Variants in AGBL3 observed in about 807,000 individuals in gnomAD.
AGBL3 encodes the protein AGBL carboxypeptidase 3.
A neutral mutation model predicts 94.5 loss-of-function variants in AGBL3; 68 were observed. The ratio of observed to expected loss-of-function variants is 0.72; its 90% CI spans 0.59 to 0.88. The LOEUF is 0.88. Ranked by LOEUF, AGBL3 falls within the 40% of genes least tolerant of loss-of-function variation. The pLI, the probability that AGBL3 is intolerant of heterozygous loss-of-function variation, is 0.00. For synonymous variants in AGBL3, 354 were observed against 370.7 expected, an observed-to-expected ratio of 0.95 and a Z score of 0.52; for missense variants, 934 against 1,103.8, an observed-to-expected ratio of 0.85 and a Z score of 2.18.
intron 4 of AGBL3, among the ~76,000 whole-genome samples, chr7:134,999,157 A>G (rs1811389482): frequency 6.6e-6 from 1 of 152,256 alleles, no homozygotes; most frequent in African/African-American, 2.4e-5. Flanking sequence ...CTGAAGAAAT[A>G]TAACTTGATG....
intron 4 of AGBL3, among the ~76,000 whole-genome samples, chr7:135,009,680 G>C (rs768459392): frequency 6.6e-6 from 1 of 152,172 alleles, no homozygotes; most frequent in Non-Finnish European, 1.5e-5. Context: ...GATTCTCTTT[G>C]ATCTTCCTTG....
At chr7:135,035,877 T>A (rs1816253921) in intron 7 of AGBL3, among the ~76,000 whole-genome samples, 1 of 152,154 alleles carries the variant, frequency 6.6e-6, no homozygotes, top group East Asian at 1.9e-4. Context: ...TGCCTTATAA[T>A]CTAGTTAGTT....
intron 12 of AGBL3, among the ~76,000 whole-genome samples, chr7:135,061,902 T>C (rs1359319942): frequency 1.3e-5 from 2 of 152,124 alleles, no homozygotes; most frequent in Non-Finnish European, 2.9e-5. Context: ...GAATTTGTTT[T>C]CTATTTCTCT....
In AGBL3 at chr7:135,059,187, T is replaced by C. The variant is rs1212846602; in HGVS notation, c.1860T>C (p.Ser620=). The change falls in exon 12 of 17, where the codon AGT becomes AGC. Residue 620 remains serine (S), a synonymous_variant. Coordinates refer to ENST00000436302, the MANE Select transcript of AGBL3 (RefSeq NM_178563.4). ...DVESSSRGSD[S]SESIDSLTYL... ...TTTGTAGTAGCCGAGGCTCTGACAGTTCAGAATCCATTGACTCTCTGACTT... is the reference window on the plus strand; with the variant it reads ...TTTGTAGTAGCCGAGGCTCTGACAGCTCAGAATCCATTGACTCTCTGACTT... The C allele has an allele frequency of 5.8e-6, 9 of 1,551,232 alleles. No homozygotes were observed. The highest frequency in any genetic ancestry group is 7.0e-6 in the Non-Finnish European group (8 of 1,146,728).
chr7:135,118,207 C>T (rs755088783), intron 16 of AGBL3, among the ~76,000 whole-genome samples: 2 of 152,058 alleles, frequency 1.3e-5, no homozygotes, highest in African/African-American at 2.4e-5. Context: ...TTACTTGTAA[C>T]CAAAGAGGTC....
chr7:135,121,960 A>G (rs1827197414), intron 16 of AGBL3, among the ~76,000 whole-genome samples: 1 of 152,234 alleles, frequency 6.6e-6, no homozygotes, highest in Non-Finnish European at 1.5e-5. Context: ...TCCCAACCCC[A>G]GAGCCGTGAA....
intron 4 of AGBL3, among the ~76,000 whole-genome samples, chr7:135,009,090 T>C (rs1336062089): frequency 6.6e-6 from 1 of 152,186 alleles, no homozygotes; most frequent in African/African-American, 2.4e-5. Flanking sequence ...AGTTAAACAT[T>C]GAGTTACTAT....
chr7:135,029,477 C>G (rs1815495758), intron 5 of AGBL3, among the ~76,000 whole-genome samples: 1 of 152,230 alleles, frequency 6.6e-6, no homozygotes, highest in African/African-American at 2.4e-5. Flanking sequence ...AACTTTTCTT[C>G]TGCAGCTTCC....
intron 16 of AGBL3, among the ~76,000 whole-genome samples, chr7:135,130,853 T>A (rs1562907835): frequency 1.3e-5 from 2 of 152,208 alleles, no homozygotes; most frequent in Non-Finnish European, 1.5e-5. Context: ...ACTGTTCCTT[T>A]TTCTGGGTTT....
At chr7:135,042,392 T>C (rs1816940119) in intron 8 of AGBL3, among the ~76,000 whole-genome samples, 1 of 152,148 alleles carries the variant, frequency 6.6e-6, no homozygotes, top group Non-Finnish European at 1.5e-5. Flanking sequence ...CTCAAAAGTA[T>C]TAGGTTAAGT....
chr7:135,019,170 T>A (rs1814142431), intron 5 of AGBL3, among the ~76,000 whole-genome samples: 3 of 152,238 alleles, frequency 2.0e-5, no homozygotes, highest in Admixed American at 2.0e-4. Flanking sequence ...GACTCTTTTA[T>A]ATTGCCAAAT....
At chr7:135,121,912 A>AAGATC (rs1204252625) in intron 16 of AGBL3, among the ~76,000 whole-genome samples, 1 of 152,174 alleles carries the variant, frequency 6.6e-6, no homozygotes, top group Non-Finnish European at 1.5e-5. Flanking sequence ...TATAGATTGG[A>AAGATC]AGATCCCACT....
At chr7:135,030,127 T>C (rs1009624210) in intron 5 of AGBL3, among the ~76,000 whole-genome samples, 6 of 137,906 alleles carry the variant, frequency 4.4e-5, no homozygotes, top group Admixed American at 1.5e-4. Context: ...ATGGTGCTGA[T>C]AGACTTGCTC....
intron 15 of AGBL3, chr7:135,099,882 C>CTTTTTTTTTTT (rs34324217): frequency 1.6e-5 from 1 of 62,700 alleles, no homozygotes; most frequent in South Asian, 8.5e-4. Context: ...CTGAGTTTCT[C>CTTTTTTTTTTT]TTTTTTTTTT....
At chr7:134,995,011 A>C (rs1467405648) in intron 4 of AGBL3, among the ~76,000 whole-genome samples, 1 of 152,052 alleles carries the variant, frequency 6.6e-6, no homozygotes, top group Non-Finnish European at 1.5e-5. Flanking sequence ...CTACAGCACC[A>C]GGTCAGGAAA....
chr7:135,134,126 G>A (rs901255866), intron 16 of AGBL3, among the ~76,000 whole-genome samples: 1 of 152,048 alleles, frequency 6.6e-6, no homozygotes, highest in African/African-American at 2.4e-5. Context: ...TGGGGGCAGT[G>A]TTCTCTATCT....
chr7:135,127,235 ACATTCAT>A (rs1403749731), intron 16 of AGBL3, among the ~76,000 whole-genome samples: 3 of 152,242 alleles, frequency 2.0e-5, no homozygotes, highest in Non-Finnish European at 2.9e-5. Context: ...TCAAAAGAAG[ACATTCAT>A]GCAGCCAACA....
chr7:135,079,713 C>G (rs112177235), intron 13 of AGBL3, among the ~76,000 whole-genome samples: 1 of 151,846 alleles, frequency 6.6e-6, no homozygotes, highest in South Asian at 2.1e-4. Context: ...AGTGATCTGC[C>G]CGCCTTGGCC....
At position 135,050,128 on chromosome 7, in the gene AGBL3, C is replaced by T. The variant is rs377673714; in HGVS notation, c.1841+4217C>T. Among the ~76,000 whole-genome samples the T allele has an allele frequency of 3.9e-4, 59 of 151,816 alleles. No individual in the cohort carries two copies. In the South Asian group the frequency reaches 0.012, roughly 32 times the overall value. On this transcript the variant is annotated intron_variant, in intron 11 of 16. Transcript: ENST00000436302. Reference sequence around the variant, plus strand: ...TTTTGTCTCAAATTGTTCTTAGTTTCCTTTTTTATTTCTACTTTGACCCAA... The same window carrying T: ...TTTTGTCTCAAATTGTTCTTAGTTTTCTTTTTTATTTCTACTTTGACCCAA...
Sources: gnomAD v4.1 joint callset for allele counts (sites outside exome capture counted in the v4.1 genomes callset) on GRCh38, gnomAD v4.1.1 for gene constraint, MANE v1.5 for transcripts, NCBI Gene and HGNC (gene_info 2026-07-23, HGNC 2026-07-21) for gene names.